The following CNTN4 variants were observed in gnomAD, a reference collection of about 807,000 sequenced individuals.
CNTN4 encodes the protein contactin-4.
Under a neutral mutation model 122.5 loss-of-function variants are expected in CNTN4, and 77 were observed. The observed-to-expected ratio is 0.63, with a 90% confidence interval of 0.52 to 0.76. The LOEUF is 0.76. Among genes scored for constraint, CNTN4 ranks in the 30% least tolerant of loss-of-function variants. CNTN4 has a pLI of 0.00. For synonymous variants in CNTN4, 512 were observed against 447.0 expected (o/e 1.15, Z -1.83); for missense variants, 1,256 against 1,259.1 (o/e 1.00, Z 0.04).
chr3:2,161,590 G>T (rs969836085), intron 2 of CNTN4, among the ~76,000 whole-genome samples: 1 of 152,110 alleles, frequency 6.6e-6, no homozygotes, highest in Non-Finnish European at 1.5e-5. Context: ...ATGAATGTTG[G>T]AGTAAGACTG....
chr3:2,288,858 G>A (rs2042035513), intron 2 of CNTN4, among the ~76,000 whole-genome samples: 1 of 152,154 alleles, frequency 6.6e-6, no homozygotes. Context: ...AGGGATGTTT[G>A]TCTTGAATGT....
chr3:2,299,981 C>G (rs968038851), intron 2 of CNTN4, among the ~76,000 whole-genome samples: 2 of 152,256 alleles, frequency 1.3e-5, no homozygotes, highest in African/African-American at 4.8e-5. Flanking sequence ...TAGCGTTCCA[C>G]TAATGACTAC....
intron 3 of CNTN4, among the ~76,000 whole-genome samples, chr3:2,540,287 G>A (rs1037612596): frequency 2.2e-4 from 34 of 152,038 alleles, no homozygotes; most frequent in Middle Eastern, 3.2e-3. Context: ...AGGCACCCAA[G>A]GTTTGGTTAC....
intron 3 of CNTN4, among the ~76,000 whole-genome samples, chr3:2,400,404 AAT>A (rs36082705): frequency 0.021 from 1,898 of 91,368 alleles, 65 homozygotes; most frequent in Middle Eastern, 0.097. Flanking sequence ...TATGTGTGTG[AAT>A]ATATATATAT....
chr3:2,335,996 A>G (rs1003178132), intron 2 of CNTN4, among the ~76,000 whole-genome samples: 4 of 152,192 alleles, frequency 2.6e-5, no homozygotes, highest in African/African-American at 9.7e-5. Flanking sequence ...AGAATAAGAC[A>G]ACACAGGTAC....
chr3:2,517,606 G>T (rs1304325179), intron 3 of CNTN4, among the ~76,000 whole-genome samples: 2 of 152,088 alleles, frequency 1.3e-5, no homozygotes, highest in Non-Finnish European at 2.9e-5. Flanking sequence ...CAAGCACTTT[G>T]TCCAGAGTAA....
At chr3:2,268,653 A>G (rs988342152) in intron 2 of CNTN4, among the ~76,000 whole-genome samples, 4 of 152,118 alleles carry the variant, frequency 2.6e-5, no homozygotes, top group Admixed American at 2.6e-4. Flanking sequence ...CTATCTGTCT[A>G]CCTACCTACC....
chr3:3,007,296 A>C (rs1696755018), intron 14 of CNTN4, among the ~76,000 whole-genome samples: 1 of 152,220 alleles, frequency 6.6e-6, no homozygotes, highest in Non-Finnish European at 1.5e-5. Context: ...TGGTGTGAGC[A>C]CTGGAGTCTG....
intron 3 of CNTN4, among the ~76,000 whole-genome samples, chr3:2,560,396 C>G (rs2078902323): frequency 6.6e-6 from 1 of 152,146 alleles, no homozygotes. Flanking sequence ...CCTGCCTTGG[C>G]TTCCCAAAAT....
Position 2,314,701 on chromosome 3 carries a change from T to C in CNTN4, c.-144-24477T>C, listed in dbSNP as rs558434903. On this transcript the variant is annotated intron_variant, in intron 2 of 24. Transcript: ENST00000418658. ...GATATCTATCGATTTAATACTGTAGTAATTTGATACAAATGTAAAAGAAAT... is the reference window on the plus strand; with the variant it reads ...GATATCTATCGATTTAATACTGTAGCAATTTGATACAAATGTAAAAGAAAT... 3.8e-4 allele frequency among the ~76,000 whole-genome samples: 58 copies of C among 152,126 alleles called. 1 individual carries two copies. The highest frequency in any genetic ancestry group is 1.3e-3 in the African/African-American group (54 of 41,556).
chr3:3,000,074 T>G (rs1695887704), intron 14 of CNTN4, among the ~76,000 whole-genome samples: 1 of 152,182 alleles, frequency 6.6e-6, no homozygotes, highest in Non-Finnish European at 1.5e-5. Flanking sequence ...TATAAAGATT[T>G]GCATTTTTCT....
In CNTN4 at chr3:2,953,094, C is replaced by T. The variant is rs564293226; in HGVS notation, c.1358+27315C>T. ...ATCTGTAGGTTATTTGACTTCAAAACGACATAAACTGTGTCCACTATATGA... is the reference window on the plus strand; with the variant it reads ...ATCTGTAGGTTATTTGACTTCAAAATGACATAAACTGTGTCCACTATATGA... On this transcript the variant is annotated intron_variant, in intron 13 of 24. Coordinates refer to ENST00000418658, the MANE Select transcript of CNTN4 (RefSeq NM_175607.3). Among the ~76,000 whole-genome samples the T allele has an allele frequency of 3.9e-5, 6 of 152,284 alleles. No individual in the cohort carries two copies. The South Asian group carries it at 8.3e-4, about 21-fold the overall frequency.
intron 4 of CNTN4, among the ~76,000 whole-genome samples, chr3:2,611,308 AAAAAG>A (rs1414234122): frequency 7.4e-5 from 11 of 149,160 alleles, no homozygotes; most frequent in South Asian, 2.1e-4. Context: ...AAAAAAAAAA[AAAAAG>A]AAAGAAAGAA....
chr3:2,480,272 A>G (rs2075953986), intron 3 of CNTN4, among the ~76,000 whole-genome samples: 1 of 152,184 alleles, frequency 6.6e-6, no homozygotes, highest in African/African-American at 2.4e-5. Context: ...AGCTAATGCA[A>G]CAAGACAAGA....
intron 2 of CNTN4, among the ~76,000 whole-genome samples, chr3:2,323,285 A>G (rs1274954421): frequency 6.6e-6 from 1 of 152,118 alleles, no homozygotes; most frequent in Non-Finnish European, 1.5e-5. Context: ...CAAACTCTAA[A>G]TGGCCAGGGG....
intron 13 of CNTN4, among the ~76,000 whole-genome samples, chr3:2,962,373 A>G (rs969028418): frequency 6.6e-6 from 1 of 152,352 alleles, no homozygotes; most frequent in East Asian, 1.9e-4. Flanking sequence ...GGTTCACCAA[A>G]GTCATTTCTT....
chr3:2,134,593 A>G (rs557380531), intron 2 of CNTN4, among the ~76,000 whole-genome samples: 1 of 152,186 alleles, frequency 6.6e-6, no homozygotes, highest in Admixed American at 6.5e-5. Context: ...AGTGGTTCCC[A>G]ACTAGGGGCA....
At chr3:2,738,102 T>C (rs2089248182) in intron 5 of CNTN4, among the ~76,000 whole-genome samples, 1 of 152,084 alleles carries the variant, frequency 6.6e-6, no homozygotes, top group Admixed American at 6.5e-5. Flanking sequence ...AAGAGAAGGC[T>C]AAGAATTTTC....
intron 4 of CNTN4, among the ~76,000 whole-genome samples, chr3:2,693,178 C>T (rs1022690338): frequency 2.0e-5 from 3 of 152,130 alleles, no homozygotes; most frequent in Non-Finnish European, 4.4e-5. Flanking sequence ...ATTTGGTTTA[C>T]AGCTTTTTGT....
Sources: gnomAD v4.1 joint callset for allele counts (sites outside exome capture counted in the v4.1 genomes callset) on GRCh38, gnomAD v4.1.1 for gene constraint, MANE v1.5 for transcripts, NCBI Gene and HGNC (gene_info 2026-07-23, HGNC 2026-07-21) for gene names.